The following HEPACAM variants were observed in gnomAD, a reference collection of about 807,000 sequenced individuals.
HEPACAM encodes hepatic and glial cell adhesion molecule.
Under a neutral mutation model 38.3 loss-of-function variants are expected in HEPACAM, and 18 were observed. That is an observed-to-expected ratio of 0.47 (90% CI 0.33 to 0.70). HEPACAM has a LOEUF of 0.70. Among genes scored for constraint, HEPACAM ranks in the 30% least tolerant of loss-of-function variants. The pLI is 0.03. For missense variants in HEPACAM, 466 were observed against 563.0 expected (o/e 0.83, Z 1.74); for synonymous variants, 216 against 243.1 (o/e 0.89, Z 1.04).
chr11:124,922,278 G>T, intron 6 of HEPACAM, 110 bp downstream of exon 6: 1 of 1,195,010 alleles, frequency 8.4e-7, no homozygotes, highest in South Asian at 1.2e-5. Context: ...TGCCAAAACC[G>T]TTGGGGACTG....
chr11:124,933,412 C>T (rs540706525), intron 1 of HEPACAM, among the ~76,000 whole-genome samples: 2 of 152,144 alleles, frequency 1.3e-5, no homozygotes, highest in Non-Finnish European at 2.9e-5. Context: ...CTCAAGCAAT[C>T]CAACTGCCTA....
chr11:124,927,523 G>GT (rs1019070666), intron 1 of HEPACAM, among the ~76,000 whole-genome samples: 86 of 97,570 alleles, frequency 8.8e-4, no homozygotes, highest in Admixed American at 1.2e-3. Context: ...TTTTTTTTTT[G>GT]TTTTTTTTTT....
Position 124,920,312 on chromosome 11 carries a change from C to A in HEPACAM, c.*826G>T. The stretch of plus-strand genomic sequence containing the variant: ...TCCTCATTTGGTCTAGTTTTCGGGC[C>A]AGGGGAGTAAGTGAAATTCACTTCT... On this transcript the variant is annotated 3_prime_UTR_variant, in exon 7 of 7. Transcript: ENST00000298251. 7.4e-7 allele frequency: 1 copy of A among 1,348,470 alleles called. No individual in the cohort carries two copies. The highest frequency in any genetic ancestry group is 1.0e-6 in the Non-Finnish European group (1 of 981,216). The allele number at this position is 1,348,470 out of a possible 1,614,324, so 83.5% of individuals were successfully genotyped here.
In HEPACAM at chr11:124,923,426, G is replaced by T. The variant is rs758333088; in HGVS notation, c.717C>A (p.Ser239Arg). Residue 239 changes from serine (S) to arginine (R), a missense_variant, in exon 4 of 7, where the codon AGC becomes AGA. By Grantham distance (110) the Ser-to-Arg change is moderately radical. Coordinates refer to ENST00000298251, the MANE Select transcript of HEPACAM (RefSeq NM_152722.5). ...LPVKITVYRR[S>R]SLYIILSTGG... Reference sequence around the variant, plus strand: ...CTGTAGACAAGATGATGTAAAGGGAGCTTCTTCCTAGGGAGAGAGAGAAGC... The same window carrying T: ...CTGTAGACAAGATGATGTAAAGGGATCTTCTTCCTAGGGAGAGAGAGAAGC... 1 of 1,608,274 alleles carries T rather than the reference G, an allele frequency of 6.2e-7. No homozygotes were observed. The highest frequency in any genetic ancestry group is 2.2e-5 in the East Asian group (1 of 44,856).
Position 124,923,380 on chromosome 11 carries a change from T to A in HEPACAM, c.763A>T (p.Thr255Ser). Reference protein sequence around the residue: ...LSTGGIFLLVTLVTVCACWKP... With the variant: ...LSTGGIFLLVSLVTVCACWKP... ...CAGCAGGCACAGACTGTCACCAAGG[T>A]CACAAGGAGGAAGATGCCTCCTGTA... The change falls in exon 4 of 7, where the codon ACC becomes TCC. Residue 255 changes from threonine to serine, a missense_variant. Coordinates refer to ENST00000298251, the MANE Select transcript of HEPACAM (RefSeq NM_152722.5). 6.2e-7 allele frequency: 1 copy of A among 1,613,650 alleles called. No homozygotes were observed. The highest frequency in any genetic ancestry group is 8.5e-7 in the Non-Finnish European group (1 of 1,179,800).
At chr11:124,922,972 C>G (rs770515542) in intron 4 of HEPACAM, among the ~76,000 whole-genome samples, 154 bp from the exon 5 acceptor site, 2 of 152,174 alleles carry the variant, frequency 1.3e-5, no homozygotes, top group Non-Finnish European at 2.9e-5. Flanking sequence ...GGAATCACAT[C>G]TAGGTTTGCA....
intron 1 of HEPACAM, among the ~76,000 whole-genome samples, chr11:124,934,590 A>G (rs1189739523): frequency 6.6e-6 from 1 of 151,802 alleles, no homozygotes; most frequent in East Asian, 1.9e-4. Flanking sequence ...AAGCTAGGAG[A>G]GAACCCTAAG....
Position 124,921,932 on chromosome 11 carries a change from C to T in HEPACAM, c.948+456G>A, listed in dbSNP as rs562601714. ...AAAGCAGGGGTCCCCACCCCCAGGCCGAGGACTGGTACTGGTCCATAGCCT... is the reference window on the plus strand; with the variant it reads ...AAAGCAGGGGTCCCCACCCCCAGGCTGAGGACTGGTACTGGTCCATAGCCT... On this transcript the variant is annotated intron_variant, in intron 6 of 6. Transcript: ENST00000298251. This position sits in a 1 kb window ranked among gnomAD's most constrained non-coding sequence, Gnocchi z 4.6. Among the ~76,000 whole-genome samples the T allele has an allele frequency of 6.6e-6, 1 of 152,196 alleles. No individual in the cohort carries two copies. Among genetic ancestry groups the T allele is most frequent in the South Asian group, 2.1e-4 (1 of 4,830 alleles).
chr11:124,927,523 G>GTTTTTTTTTTTTT (rs1019070666), intron 1 of HEPACAM, among the ~76,000 whole-genome samples: 24 of 97,538 alleles, frequency 2.5e-4, no homozygotes, highest in South Asian at 4.2e-4. Flanking sequence ...TTTTTTTTTT[G>GTTTTTTTTTTTTT]TTTTTTTTTT....
chr11:124,920,010 T>TA lies in HEPACAM; in HGVS notation c.*1127dup, dbSNP rs774598515. ...CGGCCCAGCCTCTTTATTTTGATGT[T>TA]AGTGTGATTAGGGAGTCTGCCCTTT... On this transcript the variant is annotated 3_prime_UTR_variant, in exon 7 of 7. Coordinates refer to ENST00000298251, the MANE Select transcript of HEPACAM (RefSeq NM_152722.5). 6.2e-7 allele frequency: 1 copy of TA among 1,612,544 alleles called. No individual in the cohort carries two copies. Among genetic ancestry groups the TA allele is most frequent in the Non-Finnish European group, 8.5e-7 (1 of 1,179,796 alleles).
At chr11:124,927,026 G>A (rs1947221418) in intron 1 of HEPACAM, among the ~76,000 whole-genome samples, 1 of 151,952 alleles carries the variant, frequency 6.6e-6, no homozygotes, top group Non-Finnish European at 1.5e-5. Flanking sequence ...CCGCCACCAC[G>A]CCCGGCCAAT....
Position 124,924,814 on chromosome 11 carries a change from A to G in HEPACAM, c.341T>C (p.Leu114Pro). Residue 114 changes from leucine to proline, a missense_variant, in exon 2 of 7, where the codon CTG becomes CCG. Coordinates refer to ENST00000298251, the MANE Select transcript of HEPACAM (RefSeq NM_152722.5). The surrounding 1 kb of genome is among the most constrained non-coding windows in gnomAD (Gnocchi z 4.4). ...NGSLLLSDLQ[L>P]ADEGTYEVEI... The stretch of plus-strand genomic sequence containing the variant: ...GACCTCATAGGTGCCCTCATCGGCC[A>G]GCTGCAGGTCGCTGAGAAGCAGGGA... The G allele has an allele frequency of 5.0e-6, 8 of 1,614,182 alleles. No homozygotes were observed. Among genetic ancestry groups the G allele is most frequent in the Non-Finnish European group, 6.8e-6 (8 of 1,180,028 alleles).
intron 1 of HEPACAM, among the ~76,000 whole-genome samples, chr11:124,931,809 G>A (rs569866103): frequency 2.0e-5 from 3 of 152,180 alleles, no homozygotes; most frequent in African/African-American, 4.8e-5. Context: ...ATAAAGCCCC[G>A]ATGGGGCTAA....
Position 124,920,983 on chromosome 11 carries a change from T to C in HEPACAM, c.*155A>G, listed in dbSNP as rs1947124564. On this transcript the variant is annotated 3_prime_UTR_variant, in exon 7 of 7. Coordinates refer to ENST00000298251, the MANE Select transcript of HEPACAM (RefSeq NM_152722.5). Reference sequence around the variant, plus strand: ...CCGCCTCCGCGCACCCGCCTCCGTCTGCGCATGCTCATACACGTTCACACC... The same window carrying C: ...CCGCCTCCGCGCACCCGCCTCCGTCCGCGCATGCTCATACACGTTCACACC... 7.3e-7 allele frequency: 1 copy of C among 1,363,984 alleles called. No homozygotes were observed. Among genetic ancestry groups the C allele is most frequent in the Non-Finnish European group, 9.4e-7 (1 of 1,061,636 alleles). 84.5% of individuals were successfully genotyped at this position (1,363,984 alleles called of 1,614,324 possible).
Position 124,924,604 on chromosome 11 carries a change from G to T in HEPACAM, c.427+124C>A. ...GTCTGCCAACTTCTAATGTCCACTT[G>T]CCTCATTCTCAGCTCCCAAGTGCCT... is the stretch of plus-strand genomic sequence containing the variant. On this transcript the variant is annotated intron_variant, in intron 2 of 6. Transcript: ENST00000298251. This position sits in a 1 kb window ranked among gnomAD's most constrained non-coding sequence, Gnocchi z 4.4. 1 of 842,248 alleles carries T rather than the reference G, an allele frequency of 1.2e-6. No individual in the cohort carries two copies. The highest frequency in any genetic ancestry group is 2.1e-6 in the Non-Finnish European group (1 of 482,634). The allele number at this position is 842,248 out of a possible 1,614,324, so 52.2% of individuals were successfully genotyped here. A position where few individuals can be genotyped will look rare whatever the true frequency, so the allele number is the denominator to read the frequency against.
rs570727107 is a variant in HEPACAM at position 124,931,089 on chromosome 11, T to A, written c.85+4833A>T. Reference sequence around the variant, plus strand: ...GGAGGAGATATTTGCAATACATATATCCTATAAAAGGCTCATATGCAAAAT... The same window carrying A: ...GGAGGAGATATTTGCAATACATATAACCTATAAAAGGCTCATATGCAAAAT... On this transcript the variant is annotated intron_variant, in intron 1 of 6. Coordinates refer to ENST00000298251, the MANE Select transcript of HEPACAM (RefSeq NM_152722.5). 2.2e-4 allele frequency among the ~76,000 whole-genome samples: 33 copies of A among 152,300 alleles called. No homozygotes were observed. In the South Asian group the frequency reaches 3.9e-3, roughly 18 times the overall value.
chr11:124,929,793 C>T (rs1182751530), intron 1 of HEPACAM, among the ~76,000 whole-genome samples: 2 of 151,990 alleles, frequency 1.3e-5, no homozygotes, highest in African/African-American at 4.8e-5. Flanking sequence ...TAAGAATGCA[C>T]CTGCAGATAG....
chr11:124,921,025 C>T lies in HEPACAM; in HGVS notation c.*113G>A, dbSNP rs1354359484. 7.1e-7 allele frequency: 1 copy of T among 1,407,316 alleles called. No homozygotes were observed. Among genetic ancestry groups the T allele is most frequent in the African/African-American group, 1.5e-5 (1 of 66,266 alleles). 87.2% of individuals were successfully genotyped at this position (1,407,316 alleles called of 1,614,324 possible). On this transcript the variant is annotated 3_prime_UTR_variant, in exon 7 of 7. Coordinates refer to ENST00000298251, the MANE Select transcript of HEPACAM (RefSeq NM_152722.5). This position sits in a 1 kb window ranked among gnomAD's most constrained non-coding sequence, Gnocchi z 4.6. ...GTTCACACCCGAGACACCAGCGCCC[C>T]CCCGGGACCTCCCCTCGTCCCCAGC...
Position 124,924,601 on chromosome 11 carries a change from C to T in HEPACAM, c.427+127G>A. 1 of 837,128 alleles carries T rather than the reference C, an allele frequency of 1.2e-6. No individual in the cohort carries two copies. Among genetic ancestry groups the T allele is most frequent in the South Asian group, 1.3e-5 (1 of 74,964 alleles). 51.9% of individuals were successfully genotyped at this position (837,128 alleles called of 1,614,324 possible). On this transcript the variant is annotated intron_variant, in intron 2 of 6. Transcript: ENST00000298251. This position sits in a 1 kb window ranked among gnomAD's most constrained non-coding sequence, Gnocchi z 4.4. Reference sequence around the variant, plus strand: ...CCTGTCTGCCAACTTCTAATGTCCACTTGCCTCATTCTCAGCTCCCAAGTG... The same window carrying T: ...CCTGTCTGCCAACTTCTAATGTCCATTTGCCTCATTCTCAGCTCCCAAGTG...
Sources: gnomAD v4.1 joint callset for allele counts (sites outside exome capture counted in the v4.1 genomes callset) on GRCh38, gnomAD v4.1.1 for gene constraint, Gnocchi (gnomAD v3.1) non-coding constraint, MANE v1.5 for transcripts, NCBI Gene and HGNC (gene_info 2026-07-23, HGNC 2026-07-21) for gene names.